Variants in CEP89 observed in about 807,000 individuals in gnomAD.
CEP89 encodes centrosomal protein of 89 kDa.
CEP89 carries 95 observed loss-of-function variants against 97.6 expected under a neutral mutation model. The ratio of observed to expected loss-of-function variants is 0.97; its 90% confidence interval spans 0.82 to 1.15. CEP89 has a LOEUF of 1.15. Among genes scored for constraint, CEP89 ranks in the 50% most tolerant of loss-of-function variants. The pLI, the probability that CEP89 is intolerant of heterozygous loss-of-function variation, is 0.00. For synonymous variants in CEP89, 354 were observed against 349.1 expected, an observed-to-expected ratio of 1.01 and a Z score of -0.16; for missense variants, 869 against 947.7, an observed-to-expected ratio of 0.92 and a Z score of 1.09.
At chr19:32,916,464 G>A (rs1042182110) in intron 13 of CEP89, among the ~76,000 whole-genome samples, 1 of 152,082 alleles carries the variant, frequency 6.6e-6, no homozygotes, top group Non-Finnish European at 1.5e-5. Context: ...ATGTCATAAC[G>A]TTGTCCCTAA....
Position 32,963,879 on chromosome 19 carries a change from A to G in CEP89, c.146+2481T>C, listed in dbSNP as rs1971222026. The G allele has an allele frequency of 2.1e-5, 3 of 145,434 alleles. No homozygotes were observed. The Admixed American group carries it at 2.2e-4, about 11-fold the overall frequency. The allele number at this position is 145,434 out of a possible 1,614,324, so 9.0% of individuals were successfully genotyped here. A position where few individuals can be genotyped will look rare whatever the true frequency, so the allele number is the denominator to read the frequency against. ...GATGAAAACTAACCACTGACTGTCC[A>G]AGTTATAAAAGACCACACACACACA... On this transcript the variant is annotated intron_variant, in intron 2 of 18. Transcript: ENST00000305768.
chr19:32,945,802 C>T (rs1970785412), intron 5 of CEP89, among the ~76,000 whole-genome samples: 1 of 152,150 alleles, frequency 6.6e-6, no homozygotes, highest in African/African-American at 2.4e-5. Flanking sequence ...TGCGCAGATC[C>T]TTTCTTTAAT....
rs764208391 is a variant in CEP89, at chr19:32,879,326, G to A, written c.2188C>T (p.Arg730Ter). Residue 730 changes from arginine (R) to a stop codon, truncating the protein, a stop_gained, in exon 19 of 19, where the codon CGA becomes TGA. Transcript: ENST00000305768. LOFTEE classifies it low-confidence loss of function (END_TRUNC). ...TCCTGGAGAAGTTCTCGGATTCTTCGGTTTTCCCTGAAGGTAGATTCCCAA... is the reference window on the plus strand; with the variant it reads ...TCCTGGAGAAGTTCTCGGATTCTTCAGTTTTCCCTGAAGGTAGATTCCCAA... ...VIWESTFRENRRIRELLQDTL... is the reference protein window; with the variant it reads ...VIWESTFREN 6.8e-6 allele frequency: 11 copies of A among 1,614,096 alleles called. No individual in the cohort carries two copies. Among genetic ancestry groups the A allele is most frequent in the East Asian group, 2.2e-5 (1 of 44,896 alleles).
chr19:32,897,885 C>T (rs1969676948), intron 16 of CEP89, among the ~76,000 whole-genome samples: 1 of 152,118 alleles, frequency 6.6e-6, no homozygotes, highest in Non-Finnish European at 1.5e-5. Flanking sequence ...TATTTTATTA[C>T]ACTGATGAGG....
intron 9 of CEP89, among the ~76,000 whole-genome samples, chr19:32,928,207 C>T (rs2145924538): frequency 1.3e-5 from 2 of 152,294 alleles, no homozygotes; most frequent in East Asian, 3.9e-4. Context: ...TGAGTCACTG[C>T]ACCTGGCCTC....
chr19:32,897,291 T>C (rs1198383946), intron 16 of CEP89, among the ~76,000 whole-genome samples: 1 of 152,192 alleles, frequency 6.6e-6, no homozygotes, highest in Non-Finnish European at 1.5e-5. Context: ...GAAAGGTATA[T>C]TTAACATTCC....
chr19:32,953,356 C>T (rs184715174), intron 4 of CEP89, among the ~76,000 whole-genome samples: 3 of 151,728 alleles, frequency 2.0e-5, no homozygotes. Flanking sequence ...AAGAAAAGAA[C>T]GAGATTGCTA....
intron 2 of CEP89, among the ~76,000 whole-genome samples, chr19:32,964,282 G>T (rs368271946): frequency 6.6e-6 from 1 of 151,662 alleles, no homozygotes; most frequent in African/African-American, 2.4e-5. Flanking sequence ...GGCGATTCTC[G>T]TGCCTCAGCC....
At chr19:32,933,306 C>T in intron 8 of CEP89, 145 bp downstream of exon 8, 1 of 662,176 alleles carries the variant, frequency 1.5e-6, no homozygotes, top group Non-Finnish European at 2.6e-6. Context: ...CAAATCTCAA[C>T]AAACATAAGG....
intron 5 of CEP89, among the ~76,000 whole-genome samples, chr19:32,945,042 A>G (rs1032420744): frequency 2.0e-5 from 3 of 152,216 alleles, no homozygotes; most frequent in Admixed American, 6.5e-5. Flanking sequence ...GATCACCCAC[A>G]ACAGACTCCT....
chr19:32,902,010 C>CTGTGTGTGTGTG (rs929591410), intron 14 of CEP89, among the ~76,000 whole-genome samples: 1,425 of 133,776 alleles, frequency 0.011, 15 homozygotes, highest in South Asian at 0.018. Flanking sequence ...CTCTCTCTCT[C>CTGTGTGTGTGTG]TGTGTGTGTG....
At chr19:32,899,225 C>T (rs2145885585) in intron 16 of CEP89, among the ~76,000 whole-genome samples, 1 of 151,734 alleles carries the variant, frequency 6.6e-6, no homozygotes, top group African/African-American at 2.4e-5. Flanking sequence ...TCAACTCCCA[C>T]ACTCAAATGA....
intron 17 of CEP89, among the ~76,000 whole-genome samples, chr19:32,883,906 T>C (rs1297884088): frequency 6.6e-6 from 1 of 152,234 alleles, no homozygotes; most frequent in African/African-American, 2.4e-5. Context: ...CATTTTTCTT[T>C]GTATTTCCTG....
intron 14 of CEP89, among the ~76,000 whole-genome samples, chr19:32,908,133 GT>G (rs575197732): frequency 2.1e-4 from 32 of 152,324 alleles, no homozygotes; most frequent in African/African-American, 7.0e-4. Flanking sequence ...TTAATGATGA[GT>G]TTCTCAGAAT....
intron 1 of CEP89, chr19:32,970,115 T>A (rs914479399): frequency 6.6e-6 from 1 of 152,242 alleles, no homozygotes; most frequent in Non-Finnish European, 1.5e-5. Flanking sequence ...AATAATTCAT[T>A]CTTTTTTAGG....
chr19:32,953,735 C>A lies in CEP89; in HGVS notation c.372G>T (p.Gly124=), dbSNP rs1007090994. 9 of 1,613,956 alleles carry A rather than the reference C, an allele frequency of 5.6e-6. No individual in the cohort carries two copies. Among genetic ancestry groups the A allele is most frequent in the African/African-American group, 1.3e-5 (1 of 74,914 alleles). The part of the protein sequence containing the change: ...SLPSFETLDY[G]DEEDIETQLS... Reference sequence around the variant, plus strand: ...GCTGAGTTTCAATGTCCTCTTCGTCCCCATAGTCCAGTGTTTCAAAGGATG... The same window carrying A: ...GCTGAGTTTCAATGTCCTCTTCGTCACCATAGTCCAGTGTTTCAAAGGATG... Residue 124 remains glycine, a synonymous_variant, in exon 4 of 19, where the codon GGG becomes GGT. Coordinates refer to ENST00000305768, the MANE Select transcript of CEP89 (RefSeq NM_032816.5).
intron 16 of CEP89, among the ~76,000 whole-genome samples, chr19:32,893,149 C>T (rs1050657900): frequency 6.7e-6 from 1 of 149,528 alleles, no homozygotes; most frequent in African/African-American, 2.4e-5. Context: ...CTACAAGAAA[C>T]ACATTTCACT....
intron 12 of CEP89, among the ~76,000 whole-genome samples, chr19:32,923,233 C>T (rs1320396518): frequency 1.3e-5 from 2 of 152,092 alleles, no homozygotes; most frequent in African/African-American, 4.8e-5. Context: ...GGTTTGAGAA[C>T]CTACTTAGAA....
chr19:32,933,393 A>G, intron 8 of CEP89, 58 bp downstream of exon 8: 1 of 1,204,882 alleles, frequency 8.3e-7, no homozygotes, highest in Admixed American at 2.1e-5. Context: ...TTAACTCTCA[A>G]AATAATTGAG....
Sources: allele counts gnomAD v4.1 joint callset (sites outside exome capture counted in the v4.1 genomes callset), GRCh38; gene constraint gnomAD v4.1.1; transcripts MANE v1.5; gene names NCBI Gene and HGNC (gene_info 2026-07-23, HGNC 2026-07-21).